Variants in SMYD3 observed in about 807,000 individuals in gnomAD.
The protein encoded by SMYD3 is histone-lysine N-methyltransferase SMYD3.
In SMYD3, 36 loss-of-function variants were observed where a neutral mutation model predicts 57.7. The observed-to-expected ratio is 0.62, with a 90% CI of 0.48 to 0.82. The LOEUF is 0.82. SMYD3 is among the 40% of genes least tolerant of loss of function. The pLI is 0.00. For synonymous variants in SMYD3, 211 were observed against 195.0 expected, an observed-to-expected ratio of 1.08 and a Z score of -0.68; for missense variants, 515 against 538.8, an observed-to-expected ratio of 0.96 and a Z score of 0.44.
chr1:246,420,731 T>G (rs570036033), intron 1 of SMYD3, among the ~76,000 whole-genome samples: 10 of 152,248 alleles, frequency 6.6e-5, no homozygotes, highest in African/African-American at 2.4e-4. Flanking sequence ...AAAAAAGTAT[T>G]AAAATGGAAA....
At chr1:246,394,585 C>T (rs1302794223) in intron 1 of SMYD3, among the ~76,000 whole-genome samples, 2 of 152,212 alleles carry the variant, frequency 1.3e-5, no homozygotes, top group Admixed American at 6.5e-5. Context: ...CAATATCAGG[C>T]TCTTAAGTCC....
At chr1:246,092,385 A>C (rs1417934044) in intron 5 of SMYD3, among the ~76,000 whole-genome samples, 1 of 152,230 alleles carries the variant, frequency 6.6e-6, no homozygotes, top group Admixed American at 6.5e-5. Context: ...TGTACATTAA[A>C]AAATGTCACG....
At chr1:246,368,714 C>G (rs1052252180) in intron 1 of SMYD3, among the ~76,000 whole-genome samples, 2 of 152,266 alleles carry the variant, frequency 1.3e-5, no homozygotes, top group Admixed American at 1.3e-4. Context: ...CCTGGGTGGG[C>G]ACCATCTAAT....
At chr1:245,777,409 A>G (rs2046650386) in intron 10 of SMYD3, among the ~76,000 whole-genome samples, 1 of 152,160 alleles carries the variant, frequency 6.6e-6, no homozygotes, top group African/African-American at 2.4e-5. Context: ...AGAAGTGTTT[A>G]TTTTTTTAAA....
At chr1:246,430,452 G>A (rs1043290216) in intron 1 of SMYD3, among the ~76,000 whole-genome samples, 3 of 152,230 alleles carry the variant, frequency 2.0e-5, no homozygotes, top group Admixed American at 6.5e-5. Flanking sequence ...AGCGAAGGCC[G>A]TATGTGGCAG....
At chr1:246,266,911 T>G (rs537028867) in intron 5 of SMYD3, among the ~76,000 whole-genome samples, 27 of 152,216 alleles carry the variant, frequency 1.8e-4, no homozygotes, top group African/African-American at 6.3e-4. Flanking sequence ...AAAAGTAAAC[T>G]GCGAAAATAA....
At position 245,929,882 on chromosome 1, in the gene SMYD3, C is replaced by A. The variant is rs750470206; in HGVS notation, c.587G>T (p.Gly196Val). The change falls in exon 6 of 12, where the codon GGC becomes GTC. Residue 196 changes from glycine to valine, a missense_variant. Coordinates refer to ENST00000490107, the MANE Select transcript of SMYD3 (RefSeq NM_001167740.2). ...CCATACACCATACCTGGGATATAGGCCAACACCAACTTCCTGCATCTCCGC... is the reference window on the plus strand; with the variant it reads ...CCATACACCATACCTGGGATATAGGACAACACCAACTTCCTGCATCTCCGC... ...CNAEMQEVGV[G>V]LYPSISLLNH... 6.2e-7 allele frequency: 1 copy of A among 1,613,504 alleles called. No individual in the cohort carries two copies. The highest frequency in any genetic ancestry group is 8.5e-7 in the Non-Finnish European group (1 of 1,179,546).
intron 5 of SMYD3, among the ~76,000 whole-genome samples, chr1:245,934,636 G>T (rs1215982201): frequency 3.3e-5 from 5 of 152,158 alleles, no homozygotes; most frequent in Non-Finnish European, 7.3e-5. Flanking sequence ...GGCTGGCGAC[G>T]GAGGTCAGCT....
At chr1:246,415,711 A>G (rs1274218675) in intron 1 of SMYD3, among the ~76,000 whole-genome samples, 2 of 152,188 alleles carry the variant, frequency 1.3e-5, no homozygotes, top group East Asian at 1.9e-4. Flanking sequence ...GGCACACACC[A>G]TCATGCCCGG....
At chr1:246,162,456 A>T (rs1193743617) in intron 5 of SMYD3, among the ~76,000 whole-genome samples, 1 of 152,188 alleles carries the variant, frequency 6.6e-6, no homozygotes, top group Non-Finnish European at 1.5e-5. Context: ...AGGCATATTA[A>T]TTATTTTTAA....
At chr1:245,853,842 C>T (rs769097787) in intron 10 of SMYD3, among the ~76,000 whole-genome samples, 4 of 152,172 alleles carry the variant, frequency 2.6e-5, no homozygotes, top group Non-Finnish European at 4.4e-5. Context: ...CTACCAGCTG[C>T]ATTATACTTC....
chr1:246,344,859 A>G (rs2065686800), intron 2 of SMYD3, among the ~76,000 whole-genome samples: 1 of 152,150 alleles, frequency 6.6e-6, no homozygotes, highest in Admixed American at 6.6e-5. Flanking sequence ...ATATCTTCTT[A>G]AAGTATCTAT....
At chr1:246,088,984 G>A (rs2060775053) in intron 5 of SMYD3, among the ~76,000 whole-genome samples, 1 of 151,982 alleles carries the variant, frequency 6.6e-6, no homozygotes, top group Non-Finnish European at 1.5e-5. Flanking sequence ...ATTTATTTGA[G>A]ATGATCTTTT....
chr1:246,422,475 A>T (rs2067158227), intron 1 of SMYD3, among the ~76,000 whole-genome samples: 1 of 151,922 alleles, frequency 6.6e-6, no homozygotes, highest in African/African-American at 2.4e-5. Context: ...CCCAGGCTGG[A>T]GTGCAGTGGC....
chr1:245,799,098 T>C (rs1283052492), intron 10 of SMYD3, among the ~76,000 whole-genome samples: 1 of 152,200 alleles, frequency 6.6e-6, no homozygotes, highest in East Asian at 1.9e-4. Context: ...TGAGAGATGA[T>C]AAATGCTCCC....
chr1:246,096,731 C>G (rs1376518090), intron 5 of SMYD3, among the ~76,000 whole-genome samples: 1 of 152,178 alleles, frequency 6.6e-6, no homozygotes, highest in African/African-American at 2.4e-5. Context: ...AAAGGATTCA[C>G]GGTTCTTGCA....
intron 5 of SMYD3, among the ~76,000 whole-genome samples, chr1:246,180,272 T>TGTATATATAAACTACTTATATATATATAA (rs2062516719): frequency 6.8e-6 from 1 of 147,324 alleles, no homozygotes; most frequent in Non-Finnish European, 1.5e-5. Flanking sequence ...TATATATATG[T>TGTATATATAAACTACTTATATATATATAA]GTATATATAA....
At chr1:246,457,118 T>C (rs1461464330) in intron 1 of SMYD3, among the ~76,000 whole-genome samples, 4 of 152,180 alleles carry the variant, frequency 2.6e-5, no homozygotes, top group Non-Finnish European at 5.9e-5. Flanking sequence ...TTAATTCATG[T>C]CCATACTGAT....
chr1:246,192,053 A>G (rs1159052923), intron 5 of SMYD3, among the ~76,000 whole-genome samples: 1 of 152,216 alleles, frequency 6.6e-6, no homozygotes, highest in African/African-American at 2.4e-5. Context: ...AAGAACTTTC[A>G]CTTAAAAGTT....
Sources: gnomAD v4.1 joint callset for allele counts (sites outside exome capture counted in the v4.1 genomes callset) on GRCh38, gnomAD v4.1.1 for gene constraint, MANE v1.5 for transcripts, NCBI Gene and HGNC (gene_info 2026-07-23, HGNC 2026-07-21) for gene names.